The following RADIL variants were observed in gnomAD, a reference collection of about 807,000 sequenced individuals.
RADIL encodes the protein Rap associating with DIL domain, also known as ras-associating and dilute domain-containing protein.
RADIL carries 99 observed loss-of-function variants against 97.6 expected under a neutral mutation model. The ratio of observed to expected loss-of-function variants is 1.01; its 90% CI spans 0.86 to 1.20. The LOEUF (loss-of-function observed/expected upper bound fraction) is 1.20, where lower values mean the gene tolerates loss of function less well. RADIL is among the 50% of genes most tolerant of loss of function. The pLI is 0.00. For synonymous variants in RADIL, 803 were observed against 691.8 expected (o/e 1.16, Z -2.52); for missense variants, 1,765 against 1,498.9 (o/e 1.18, Z -2.93).
chr7:4,860,473 CT>C, intron 2 of RADIL: 5 of 1,613,996 alleles, frequency 3.1e-6, no homozygotes, highest in East Asian at 2.2e-5. Context: ...AATTATCTGG[CT>C]TTTTTAGCCC....
chr7:4,861,748 G>T (rs773486465), intron 2 of RADIL: 1 of 1,504,366 alleles, frequency 6.6e-7, no homozygotes, highest in Non-Finnish European at 8.9e-7. Flanking sequence ...AGGAGACGCC[G>T]TAGCGATTCG....
chr7:4,816,362 C>A lies in RADIL; in HGVS notation c.1832G>T (p.Arg611Leu). ...GGCTGCCTGGTACACAGACACCACGCGGCGCAGCTCCTCGGGCAGTTCGGG... is the reference window on the plus strand; with the variant it reads ...GGCTGCCTGGTACACAGACACCACGAGGCGCAGCTCCTCGGGCAGTTCGGG... ...SAPELPEELR[R>L]VVSVYQAALD... is the part of the protein sequence containing the mutation. The change falls in exon 8 of 15, where the codon CGC (arginine) becomes CTC (leucine). Residue 611 changes from arginine (R) to leucine (L), a missense_variant. Coordinates refer to ENST00000399583, the MANE Select transcript of RADIL (RefSeq NM_018059.5). 1 of 1,611,256 alleles carries A rather than the reference C, an allele frequency of 6.2e-7. No homozygotes were observed. Among genetic ancestry groups the A allele is most frequent in the Middle Eastern group, 1.7e-4 (1 of 6,010 alleles).
At position 4,798,339 on chromosome 7, in the gene RADIL, C is replaced by A. The variant is rs903181769; in HGVS notation, c.*1039G>T. ...AGGGCCTGGGACAGACCCAGGACAC[C>A]GATCTGGGGACCCCGCACAGACCTC... On this transcript the variant is annotated 3_prime_UTR_variant, in exon 15 of 15. Coordinates refer to ENST00000399583, the MANE Select transcript of RADIL (RefSeq NM_018059.5). 6.6e-6 allele frequency: 1 copy of A among 152,134 alleles called. No individual in the cohort carries two copies. The highest frequency in any genetic ancestry group is 1.5e-5 in the Non-Finnish European group (1 of 68,040). The allele number at this position is 152,134 out of a possible 1,614,324, so 9.4% of individuals were successfully genotyped here.
At chr7:4,827,548 C>G (rs1465842278) in intron 5 of RADIL, among the ~76,000 whole-genome samples, 1 of 152,076 alleles carries the variant, frequency 6.6e-6, no homozygotes, top group Non-Finnish European at 1.5e-5. Context: ...GTAGTCCCAG[C>G]TACTCGGGAG....
chr7:4,804,177 G>A, intron 10 of RADIL: 1 of 288,236 alleles, frequency 3.5e-6, no homozygotes, highest in South Asian at 3.6e-5. Context: ...GACCCAAACG[G>A]CCTGTGTGCG....
chr7:4,836,903 A>T (rs751011600), intron 2 of RADIL, among the ~76,000 whole-genome samples: 9 of 152,058 alleles, frequency 5.9e-5, no homozygotes, highest in African/African-American at 2.2e-4. Flanking sequence ...GCACCACTGC[A>T]CTCCAGCCTG....
Position 4,822,557 on chromosome 7 carries a change from A to C in RADIL, c.1455-3T>G. 6.2e-7 allele frequency: 1 copy of C among 1,612,470 alleles called. No homozygotes were observed. Among genetic ancestry groups the C allele is most frequent in the Non-Finnish European group, 8.5e-7 (1 of 1,179,766 alleles). On this transcript the variant is annotated splice_polypyrimidine_tract_variant and splice_region_variant and intron_variant, in intron 5 of 14. Coordinates refer to ENST00000399583, the MANE Select transcript of RADIL (RefSeq NM_018059.5). The surrounding 1 kb of genome is among the most constrained non-coding windows in gnomAD (Gnocchi z 5.3). ...TGGCCAGCGAGATGGGCTCCTGGCT[A>C]CCAAGACAGAAAGACTAAGAGTTAC... is the stretch of plus-strand genomic sequence containing the variant.
rs550359801 is a variant in RADIL at position 4,872,434 on chromosome 7, G to A, written c.535+5171C>T. 2.6e-5 allele frequency among the ~76,000 whole-genome samples: 4 copies of A among 152,238 alleles called. No individual in the cohort carries two copies. The highest frequency in any genetic ancestry group is 2.0e-4 in the Admixed American group (3 of 15,294). ...GTTTAACACTTACCCCTCCTGCAAA[G>A]GCAAACCAAGCCTCCCCTCACCGTT... On this transcript the variant is annotated intron_variant, in intron 2 of 14. Coordinates refer to ENST00000399583, the MANE Select transcript of RADIL (RefSeq NM_018059.5). The surrounding 1 kb of genome is among the most constrained non-coding windows in gnomAD (Gnocchi z 5.8).
chr7:4,859,915 T>C (rs1783933006), intron 2 of RADIL: 1 of 1,610,702 alleles, frequency 6.2e-7, no homozygotes, highest in Non-Finnish European at 8.5e-7. Context: ...TTAGATATGT[T>C]TGTTGCTGAG....
intron 5 of RADIL, among the ~76,000 whole-genome samples, chr7:4,831,515 C>T (rs181487631): frequency 6.0e-5 from 9 of 148,906 alleles, no homozygotes; most frequent in African/African-American, 1.5e-4. Context: ...AAGCTGCACT[C>T]GTACCCCTGA....
chr7:4,849,541 A>G lies in RADIL; in HGVS notation c.536-12936T>C, dbSNP rs1435534901. Among the ~76,000 whole-genome samples, 1 of 152,112 alleles carries G rather than the reference A, an allele frequency of 6.6e-6. No homozygotes were observed. The highest frequency in any genetic ancestry group is 2.4e-5 in the African/African-American group (1 of 41,408). The stretch of plus-strand genomic sequence containing the variant: ...TTTTGTTGCCTGGGGCAAGGTTCTG[A>G]AACATTTCAGTTCATTCAGGACCAT... On this transcript the variant is annotated intron_variant, in intron 2 of 14. Coordinates refer to ENST00000399583, the MANE Select transcript of RADIL (RefSeq NM_018059.5). This position sits in a 1 kb window ranked among gnomAD's most constrained non-coding sequence, Gnocchi z 5.4.
intron 2 of RADIL, among the ~76,000 whole-genome samples, chr7:4,852,660 A>G (rs182486576): frequency 2.8e-4 from 42 of 152,248 alleles, no homozygotes; most frequent in Non-Finnish European, 5.9e-5. Context: ...TGTTGCCCAC[A>G]TAGCACAGAG....
rs774760775 is a variant in RADIL at position 4,801,816 on chromosome 7, G to C, written c.2679C>G (p.Gly893=). ...RQPSRGGSQA[G]PPHTDSSCLL... is the part of the protein sequence containing the mutation. ...AGCAGGACGAGTCCGTGTGCGGGGG[G>C]CCAGCCTGGGAGCCCCCACGGCTGG... is the stretch of plus-strand genomic sequence containing the variant. The change falls in exon 12 of 15, where the codon GGC becomes GGG. Residue 893 remains glycine, a synonymous_variant. Coordinates refer to ENST00000399583, the MANE Select transcript of RADIL (RefSeq NM_018059.5). The C allele has an allele frequency of 1.2e-6, 2 of 1,607,616 alleles. No homozygotes were observed. The highest frequency in any genetic ancestry group is 2.2e-5 in the East Asian group (1 of 44,690).
At chr7:4,861,861 C>CGACCTTCGT (rs1312253809) in intron 2 of RADIL, 3 of 1,269,938 alleles carry the variant, frequency 2.4e-6, no homozygotes, top group African/African-American at 1.5e-5. Context: ...GCGACCTTCG[C>CGACCTTCGT]GGCCGCCGCC....
chr7:4,827,528 GC>G, intron 5 of RADIL, among the ~76,000 whole-genome samples: 1 of 152,164 alleles, frequency 6.6e-6, no homozygotes, highest in Non-Finnish European at 1.5e-5. Flanking sequence ...GGGCGTGGTT[GC>G]AGGCGCCTGT....
At chr7:4,809,525 C>T in intron 9 of RADIL, 22 of 985,424 alleles carry the variant, frequency 2.2e-5, no homozygotes, top group Non-Finnish European at 2.7e-5. Flanking sequence ...ACGTGGGCGG[C>T]GGCTGCTCGG....
chr7:4,849,614 G>C lies in RADIL; in HGVS notation c.536-13009C>G, dbSNP rs56008584. Among the ~76,000 whole-genome samples the C allele has an allele frequency of 0.38, 56,999 of 151,978 alleles. 11,019 individuals carry two copies. The highest frequency in any genetic ancestry group is 0.51 in the South Asian group (2,451 of 4,802). ...AGCTGTTATCTGCAACAAACCTGCA[G>C]ACCGAATGGCAGGTGGCTTGGAAGA... On this transcript the variant is annotated intron_variant, in intron 2 of 14. Transcript: ENST00000399583. This position sits in a 1 kb window ranked among gnomAD's most constrained non-coding sequence, Gnocchi z 5.4.
intron 2 of RADIL, among the ~76,000 whole-genome samples, chr7:4,845,177 T>C (rs1783538178): frequency 6.6e-6 from 1 of 152,110 alleles, no homozygotes. Context: ...CCCAGCACTT[T>C]GGGAGGCTGA....
chr7:4,861,941 C>G (rs1784019903), intron 2 of RADIL: 1 of 505,702 alleles, frequency 2.0e-6, no homozygotes, highest in Admixed American at 3.9e-5. Flanking sequence ...CTCCCACTCC[C>G]GCTGCGCGCC....
Sources: gnomAD v4.1 joint callset for allele counts (sites outside exome capture counted in the v4.1 genomes callset) on GRCh38, gnomAD v4.1.1 for gene constraint, Gnocchi (gnomAD v3.1) non-coding constraint, MANE v1.5 for transcripts, NCBI Gene and HGNC (gene_info 2026-07-23, HGNC 2026-07-21) for gene names.